The following FHIT variants were observed in gnomAD, a reference collection of about 807,000 sequenced individuals.
The protein encoded by FHIT is bis(5'-adenosyl)-triphosphatase.
A neutral mutation model predicts 17.9 loss-of-function variants in FHIT; 19 were observed. The ratio of observed to expected loss-of-function variants is 1.06; its 90% CI spans 0.74 to 1.56. The LOEUF (loss-of-function observed/expected upper bound fraction) is 1.56, where lower values mean the gene tolerates loss of function less well. Ranked by LOEUF, FHIT falls within the 40% of genes most tolerant of loss-of-function variation. The pLI, the probability that FHIT is intolerant of heterozygous loss-of-function variation, is 0.00. For missense variants in FHIT, 248 were observed against 189.2 expected (o/e 1.31, Z -1.82); for synonymous variants, 81 against 69.7 (o/e 1.16, Z -0.81).
At chr3:59,958,966 A>G (rs1238292157) in intron 7 of FHIT, among the ~76,000 whole-genome samples, 2 of 152,230 alleles carry the variant, frequency 1.3e-5, no homozygotes, top group African/African-American at 4.8e-5. Context: ...AAGCTGTACC[A>G]GGGTGCTGAC....
At chr3:61,104,579 G>C (rs897284522) in intron 2 of FHIT, among the ~76,000 whole-genome samples, 1 of 151,940 alleles carries the variant, frequency 6.6e-6, no homozygotes, top group Non-Finnish European at 1.5e-5. Flanking sequence ...ATCTTACTGG[G>C]GTTCTCTGTA....
intron 5 of FHIT, among the ~76,000 whole-genome samples, chr3:60,308,493 T>G (rs1206847947): frequency 1.9e-5 from 1 of 51,288 alleles, no homozygotes; most frequent in African/African-American, 7.8e-5. Context: ...TATAGGTGTA[T>G]GTGTATATAT....
intron 8 of FHIT, among the ~76,000 whole-genome samples, chr3:59,817,562 T>TAAAAAAAAAAA (rs10691937): frequency 2.1e-5 from 2 of 93,898 alleles, no homozygotes; most frequent in Non-Finnish European, 4.0e-5. Flanking sequence ...CACCCGTCAC[T>TAAAAAAAAAAA]AAAAAAAAAA....
intron 2 of FHIT, among the ~76,000 whole-genome samples, chr3:61,075,135 C>T (rs1407836717): frequency 6.6e-6 from 1 of 152,116 alleles, no homozygotes; most frequent in Non-Finnish European, 1.5e-5. Flanking sequence ...GGCTAAACTC[C>T]TTTTGGGAAA....
At chr3:59,932,333 C>G (rs561631689) in intron 7 of FHIT, among the ~76,000 whole-genome samples, 1 of 152,192 alleles carries the variant, frequency 6.6e-6, no homozygotes, top group African/African-American at 2.4e-5. Flanking sequence ...ACAAAAAGAA[C>G]AGATAAAAAG....
intron 5 of FHIT, among the ~76,000 whole-genome samples, chr3:60,209,655 G>A (rs1358400405): frequency 1.3e-5 from 2 of 152,054 alleles, no homozygotes; most frequent in Non-Finnish European, 2.9e-5. Flanking sequence ...CCATTCAATA[G>A]GGCTTTTGAA....
In FHIT at chr3:60,298,672, T is replaced by C. The variant is rs1174918660; in HGVS notation, c.103+238188A>G. ...ATAGTGTTCTGTTTTTATCACAAAG[T>C]GGTATTAAATTTCACCACATGCTTT... On this transcript the variant is annotated intron_variant, in intron 5 of 9. Coordinates refer to ENST00000492590, the MANE Select transcript of FHIT (RefSeq NM_002012.4). Among the ~76,000 whole-genome samples, 3 of 152,166 alleles carry C rather than the reference T, an allele frequency of 2.0e-5. No homozygotes were observed. The East Asian group carries it at 5.8e-4, about 29-fold the overall frequency.
At chr3:60,707,681 C>G (rs1250774563) in intron 4 of FHIT, among the ~76,000 whole-genome samples, 1 of 152,150 alleles carries the variant, frequency 6.6e-6, no homozygotes, top group African/African-American at 2.4e-5. Flanking sequence ...TTTTGAATGC[C>G]TCCTTAATAT....
At chr3:60,465,116 CTGA>C (rs1370752197) in intron 5 of FHIT, among the ~76,000 whole-genome samples, 1 of 152,130 alleles carries the variant, frequency 6.6e-6, no homozygotes, top group Non-Finnish European at 1.5e-5. Flanking sequence ...TTGCATTTCT[CTGA>C]TGATCAGTTA....
At chr3:60,976,044 T>G (rs1298141183) in intron 3 of FHIT, among the ~76,000 whole-genome samples, 1 of 151,494 alleles carries the variant, frequency 6.6e-6, no homozygotes, top group Non-Finnish European at 1.5e-5. Flanking sequence ...GCAAGATGCT[T>G]TCTTCAGGAT....
intron 5 of FHIT, among the ~76,000 whole-genome samples, chr3:60,394,915 G>A (rs1254657068): frequency 6.6e-6 from 1 of 152,160 alleles, no homozygotes; most frequent in Non-Finnish European, 1.5e-5. Flanking sequence ...AGTTGTGAAG[G>A]AAGACTATAT....
At chr3:61,000,874 C>T (rs1471790765) in intron 3 of FHIT, among the ~76,000 whole-genome samples, 1 of 152,108 alleles carries the variant, frequency 6.6e-6, no homozygotes, top group Non-Finnish European at 1.5e-5. Flanking sequence ...ACTAGGGCAG[C>T]GATGGGCAGT....
intron 5 of FHIT, among the ~76,000 whole-genome samples, chr3:60,209,937 G>A (rs1703372162): frequency 6.6e-6 from 1 of 152,122 alleles, no homozygotes; most frequent in Non-Finnish European, 1.5e-5. Context: ...CCTGTTGGGG[G>A]TGGAGGGTGT....
chr3:60,199,313 C>G (rs1702791219), intron 5 of FHIT, among the ~76,000 whole-genome samples: 2 of 151,986 alleles, frequency 1.3e-5, no homozygotes, highest in Non-Finnish European at 2.9e-5. Flanking sequence ...TGCTCTCTGA[C>G]ATCATCTATT....
At chr3:61,030,892 C>G (rs979813768) in intron 3 of FHIT, among the ~76,000 whole-genome samples, 10 of 152,056 alleles carry the variant, frequency 6.6e-5, no homozygotes, top group East Asian at 1.9e-4. Flanking sequence ...TCCATAACAG[C>G]AAGGGTCCCA....
chr3:60,652,339 G>C (rs542739507), intron 4 of FHIT, among the ~76,000 whole-genome samples: 1 of 152,096 alleles, frequency 6.6e-6, no homozygotes, highest in Non-Finnish European at 1.5e-5. Context: ...GGTAGTTCAC[G>C]TCTGTAATCC....
At chr3:61,224,081 G>A (rs1374113552) in intron 1 of FHIT, among the ~76,000 whole-genome samples, 1 of 152,190 alleles carries the variant, frequency 6.6e-6, no homozygotes, top group Non-Finnish European at 1.5e-5. Context: ...TAGAGATAAA[G>A]ATGAAAAATG....
intron 5 of FHIT, among the ~76,000 whole-genome samples, chr3:60,017,671 T>C (rs1451352612): frequency 6.6e-6 from 1 of 152,232 alleles, no homozygotes; most frequent in Non-Finnish European, 1.5e-5. Context: ...CTCCTCTTCA[T>C]GCTCACCACC....
At chr3:60,856,919 T>C (rs1272609408) in intron 3 of FHIT, among the ~76,000 whole-genome samples, 1 of 152,142 alleles carries the variant, frequency 6.6e-6, no homozygotes, top group Admixed American at 6.6e-5. Flanking sequence ...TGTACTTCAC[T>C]CCACATGGAG....
Sources: gnomAD v4.1 joint callset for allele counts (sites outside exome capture counted in the v4.1 genomes callset) on GRCh38, gnomAD v4.1.1 for gene constraint, MANE v1.5 for transcripts, NCBI Gene and HGNC (gene_info 2026-07-23, HGNC 2026-07-21) for gene names.